CAMK4: variants seen among roughly 807,000 people sequenced by gnomAD.
CAMK4 encodes the protein calcium/calmodulin dependent protein kinase IV.
CAMK4 carries 22 observed loss-of-function variants against 44.9 expected under a neutral mutation model. The observed-to-expected ratio is 0.49, with a 90% CI of 0.35 to 0.70. The LOEUF (loss-of-function observed/expected upper bound fraction) is 0.70, where lower values mean the gene tolerates loss of function less well. Ranked by LOEUF, CAMK4 falls within the 30% of genes least tolerant of loss-of-function variation. The pLI, the probability that CAMK4 is intolerant of heterozygous loss-of-function variation, is 0.01. For synonymous variants in CAMK4, 218 were observed against 215.4 expected (o/e 1.01, Z -0.11); for missense variants, 498 against 586.8 (o/e 0.85, Z 1.56).
intron 5 of CAMK4, among the ~76,000 whole-genome samples, chr5:111,396,572 G>A (rs548730266): frequency 3.5e-5 from 5 of 143,010 alleles, no homozygotes; most frequent in Admixed American, 7.2e-5. Context: ...TTCTGTGACT[G>A]TTGCTGGCAT....
intron 4 of CAMK4, among the ~76,000 whole-genome samples, chr5:111,392,702 A>G (rs1453383963): frequency 6.6e-6 from 1 of 152,190 alleles, no homozygotes; most frequent in Non-Finnish European, 1.5e-5. Context: ...GAAATGGAAT[A>G]TGAACATATG....
rs1346556194 is a variant in CAMK4, at chr5:111,486,905, A to G, written c.*2439A>G. Reference sequence around the variant, plus strand: ...TAAATTTTGACTCATGTTAAAGATAAGATTCTGATAATGACTATATAGTGA... The same window carrying G: ...TAAATTTTGACTCATGTTAAAGATAGGATTCTGATAATGACTATATAGTGA... On this transcript the variant is annotated 3_prime_UTR_variant, in exon 11 of 11. Coordinates refer to ENST00000282356, the MANE Select transcript of CAMK4 (RefSeq NM_001744.6). 6.6e-6 allele frequency: 1 copy of G among 152,210 alleles called. No individual in the cohort carries two copies. Among genetic ancestry groups the G allele is most frequent in the African/African-American group, 2.4e-5 (1 of 41,458 alleles). 9.4% of individuals were successfully genotyped at this position (152,210 alleles called of 1,614,324 possible).
At chr5:111,412,145 T>C (rs1752653207) in intron 5 of CAMK4, among the ~76,000 whole-genome samples, 1 of 152,154 alleles carries the variant, frequency 6.6e-6, no homozygotes, top group Admixed American at 6.5e-5. Context: ...GGTAATTATT[T>C]ATTCAGATGC....
intron 1 of CAMK4, among the ~76,000 whole-genome samples, chr5:111,319,174 C>A (rs1006053366): frequency 6.6e-6 from 1 of 152,144 alleles, no homozygotes; most frequent in African/African-American, 2.4e-5. Flanking sequence ...GTGCAATATG[C>A]TCTGTAATGG....
chr5:111,264,731 A>G (rs1237789150), intron 1 of CAMK4, among the ~76,000 whole-genome samples: 2 of 152,104 alleles, frequency 1.3e-5, no homozygotes, highest in Non-Finnish European at 2.9e-5. Context: ...TTTCATGGCA[A>G]GGTTCCAAGG....
Position 111,280,313 on chromosome 5 carries a change from C to T in CAMK4, c.161+55669C>T, listed in dbSNP as rs371358004. Among the ~76,000 whole-genome samples, 15 of 152,282 alleles carry T rather than the reference C, an allele frequency of 9.9e-5. No homozygotes were observed. The East Asian group carries it at 2.3e-3, about 23-fold the overall frequency. ...GAATTACAGATTTTTATATAAAGAA[C>T]ATTCCGAAGGCACTGGACAAACATT... On this transcript the variant is annotated intron_variant, in intron 1 of 10. Coordinates refer to ENST00000282356, the MANE Select transcript of CAMK4 (RefSeq NM_001744.6).
At chr5:111,392,194 A>G (rs757276967) in intron 4 of CAMK4, among the ~76,000 whole-genome samples, 7 of 152,164 alleles carry the variant, frequency 4.6e-5, no homozygotes, top group Non-Finnish European at 8.8e-5. Flanking sequence ...AAGAGGTTTA[A>G]TTGACCCCCA....
intron 4 of CAMK4, among the ~76,000 whole-genome samples, chr5:111,388,314 G>T (rs908506416): frequency 2.1e-4 from 32 of 151,672 alleles, no homozygotes; most frequent in African/African-American, 6.5e-4. Context: ...TTACATCTAT[G>T]ATAATGTTTT....
At chr5:111,254,075 A>T (rs1749634259) in intron 1 of CAMK4, among the ~76,000 whole-genome samples, 1 of 152,250 alleles carries the variant, frequency 6.6e-6, no homozygotes. Context: ...TATGAAAAAT[A>T]GAAGCTCAGA....
chr5:111,483,844 T>C (rs1324529770), intron 10 of CAMK4, among the ~76,000 whole-genome samples, 182 bp from the exon 11 acceptor site: 2 of 152,192 alleles, frequency 1.3e-5, no homozygotes, highest in African/African-American at 4.8e-5. Context: ...TAATTTGAGA[T>C]GAAAGAGGTT....
At chr5:111,266,313 C>T (rs891216942) in intron 1 of CAMK4, among the ~76,000 whole-genome samples, 8 of 151,844 alleles carry the variant, frequency 5.3e-5, no homozygotes, top group Admixed American at 6.6e-5. Flanking sequence ...ACTGCAGTTG[C>T]TTCCCTCTTC....
intron 5 of CAMK4, among the ~76,000 whole-genome samples, chr5:111,402,263 T>G (rs2112877107): frequency 6.6e-6 from 1 of 152,278 alleles, no homozygotes; most frequent in Admixed American, 6.5e-5. Flanking sequence ...CATCATAAAG[T>G]GGAAGAATGG....
At chr5:111,315,864 A>G (rs777459421) in intron 1 of CAMK4, among the ~76,000 whole-genome samples, 1 of 152,110 alleles carries the variant, frequency 6.6e-6, no homozygotes, top group Non-Finnish European at 1.5e-5. Flanking sequence ...AAGGGCTGCA[A>G]TGCCATAGCC....
rs1747228090 is a variant in CAMK4, at chr5:111,290,910, T to A, written c.162-53114T>A. On this transcript the variant is annotated intron_variant, in intron 1 of 10. Coordinates refer to ENST00000282356, the MANE Select transcript of CAMK4 (RefSeq NM_001744.6). This position sits in a 1 kb window ranked among gnomAD's most constrained non-coding sequence, Gnocchi z 4.5. ...TTGGATTCCATCAAGAAACTTGGGC[T>A]TATATAGTCCAAATCCCATTTAAAT... Among the ~76,000 whole-genome samples the A allele has an allele frequency of 6.6e-6, 1 of 152,242 alleles. No homozygotes were observed. Among genetic ancestry groups the A allele is most frequent in the African/African-American group, 2.4e-5 (1 of 41,466 alleles).
intron 1 of CAMK4, among the ~76,000 whole-genome samples, chr5:111,322,302 G>A (rs546086314): frequency 6.6e-6 from 1 of 152,156 alleles, no homozygotes; most frequent in South Asian, 2.1e-4. Flanking sequence ...TAGATCTCTG[G>A]CCAGGCCAGG....
intron 1 of CAMK4, among the ~76,000 whole-genome samples, chr5:111,268,815 G>C (rs533006584): frequency 4.7e-4 from 71 of 152,132 alleles, no homozygotes; most frequent in African/African-American, 1.5e-3. Context: ...TACCTGGTAA[G>C]GATTAAATAT....
intron 1 of CAMK4, among the ~76,000 whole-genome samples, chr5:111,331,564 T>G (rs939689043): frequency 2.0e-5 from 3 of 151,750 alleles, no homozygotes; most frequent in African/African-American, 4.8e-5. Flanking sequence ...GTAAGATCAT[T>G]TGTGTATAAC....
At position 111,457,781 on chromosome 5, in the gene CAMK4, C is replaced by A. The variant is rs529592444; in HGVS notation, c.625+8578C>A. Among the ~76,000 whole-genome samples the A allele has an allele frequency of 2.6e-5, 4 of 152,214 alleles. No homozygotes were observed. The South Asian group carries it at 8.3e-4, about 32-fold the overall frequency. On this transcript the variant is annotated intron_variant, in intron 7 of 10. Coordinates refer to ENST00000282356, the MANE Select transcript of CAMK4 (RefSeq NM_001744.6). Reference sequence around the variant, plus strand: ...AAAGGCATAGTGTTTGTGTTCATTTCCAGAAGAATAAATAGCTTAAGTGAA... The same window carrying A: ...AAAGGCATAGTGTTTGTGTTCATTTACAGAAGAATAAATAGCTTAAGTGAA...
Position 111,224,402 on chromosome 5 carries a change from C to T in CAMK4, c.-82C>T, listed in dbSNP as rs1748058909. On this transcript the variant is annotated 5_prime_UTR_variant, in exon 1 of 11. Transcript: ENST00000282356. The surrounding 1 kb of genome is among the most constrained non-coding windows in gnomAD (Gnocchi z 5.7). Reference sequence around the variant, plus strand: ...GCCGCCTCTCTCTCGCTCCTGCGTTCGCAGGCGGCGGCTGGCGGCCGGCTT... The same window carrying T: ...GCCGCCTCTCTCTCGCTCCTGCGTTTGCAGGCGGCGGCTGGCGGCCGGCTT... 19 of 1,471,618 alleles carry T rather than the reference C, an allele frequency of 1.3e-5. No homozygotes were observed. The highest frequency in any genetic ancestry group is 1.2e-4 in the South Asian group (9 of 73,520). The allele number at this position is 1,471,618 out of a possible 1,614,324, so 91.2% of individuals were successfully genotyped here. A position where few individuals can be genotyped will look rare whatever the true frequency, so the allele number is the denominator to read the frequency against.
Sources: allele counts gnomAD v4.1 joint callset (sites outside exome capture counted in the v4.1 genomes callset), GRCh38; gene constraint gnomAD v4.1.1; non-coding constraint Gnocchi (gnomAD v3.1); transcripts MANE v1.5; gene names NCBI Gene and HGNC (gene_info 2026-07-23, HGNC 2026-07-21).